Variants in PEX14 observed in about 807,000 individuals in gnomAD.
The protein encoded by PEX14 is peroxisomal membrane protein PEX14.
A neutral mutation model predicts 49.5 loss-of-function variants in PEX14; 15 were observed. The ratio of observed to expected loss-of-function variants is 0.30; its 90% CI spans 0.20 to 0.47. The LOEUF (loss-of-function observed/expected upper bound fraction) is 0.47, where lower values mean the gene tolerates loss of function less well. PEX14 is among the 20% of genes least tolerant of loss of function. PEX14 has a pLI of 1.00. For missense variants in PEX14, 398 were observed against 494.8 expected, an observed-to-expected ratio of 0.80 and a Z score of 1.86; for synonymous variants, 210 against 212.7, an observed-to-expected ratio of 0.99 and a Z score of 0.11.
At chr1:10,510,625 A>G (rs1570177283) in intron 2 of PEX14, among the ~76,000 whole-genome samples, 1 of 152,314 alleles carries the variant, frequency 6.6e-6, no homozygotes, top group Non-Finnish European at 1.5e-5. Flanking sequence ...TTTGGCACCT[A>G]GGCACTTTGC....
At chr1:10,588,791 G>A (rs1640575193) in intron 3 of PEX14, among the ~76,000 whole-genome samples, 1 of 152,116 alleles carries the variant, frequency 6.6e-6, no homozygotes, top group Non-Finnish European at 1.5e-5. Flanking sequence ...ATTCAGATAT[G>A]TCAAAGAGAA....
intron 4 of PEX14, chr1:10,616,973 A>T (rs1641441083): frequency 6.6e-6 from 1 of 151,490 alleles, no homozygotes. Flanking sequence ...CAATATGGTG[A>T]CCTCCTGGAG....
At chr1:10,502,072 C>T (rs1027094708) in intron 2 of PEX14, among the ~76,000 whole-genome samples, 1 of 152,170 alleles carries the variant, frequency 6.6e-6, no homozygotes, top group Admixed American at 6.5e-5. Flanking sequence ...GTGCACTTCA[C>T]TGAAGGTAAA....
Position 10,484,546 on chromosome 1 carries a change from C to A in PEX14, c.36+9544C>A, listed in dbSNP as rs1641336583. 2.0e-5 allele frequency among the ~76,000 whole-genome samples: 3 copies of A among 151,756 alleles called. No homozygotes were observed. The South Asian group carries it at 6.2e-4, about 31-fold the overall frequency. On this transcript the variant is annotated intron_variant, in intron 1 of 8. Coordinates refer to ENST00000356607, the MANE Select transcript of PEX14 (RefSeq NM_004565.3). Reference sequence around the variant, plus strand: ...TATCTCAATTTGTTGATCTGTTCACCAGTTGATGGACATTTGTAGTAGTTT... The same window carrying A: ...TATCTCAATTTGTTGATCTGTTCACAAGTTGATGGACATTTGTAGTAGTTT...
Position 10,512,140 on chromosome 1 carries a change from A to G in PEX14, c.84+16819A>G, listed in dbSNP as rs766091175. The stretch of plus-strand genomic sequence containing the variant: ...ACGCTCGGCTAATTTTGGTATTTTT[A>G]GTAGAGACAGGGTTTCACCATGTTA... On this transcript the variant is annotated intron_variant, in intron 2 of 8. Coordinates refer to ENST00000356607, the MANE Select transcript of PEX14 (RefSeq NM_004565.3). The surrounding 1 kb of genome is among the most constrained non-coding windows in gnomAD (Gnocchi z 4.6). Among the ~76,000 whole-genome samples, 1 of 152,044 alleles carries G rather than the reference A, an allele frequency of 6.6e-6. No individual in the cohort carries two copies. Among genetic ancestry groups the G allele is most frequent in the African/African-American group, 2.4e-5 (1 of 41,384 alleles).
Position 10,525,829 on chromosome 1 carries a change from T to A in PEX14, c.85-10384T>A, listed in dbSNP as rs192423336. 1.2e-3 allele frequency among the ~76,000 whole-genome samples: 189 copies of A among 152,144 alleles called. 1 individual carries two copies. The highest frequency in any genetic ancestry group is 2.1e-3 in the Non-Finnish European group (145 of 68,004). On this transcript the variant is annotated intron_variant, in intron 2 of 8. Transcript: ENST00000356607. ...TTAGTATAGATGGGGTTTCACTAAATTGGCCAGGCTGATCTCGAACTCTTG... is the reference window on the plus strand; with the variant it reads ...TTAGTATAGATGGGGTTTCACTAAAATGGCCAGGCTGATCTCGAACTCTTG...
At chr1:10,605,738 C>A (rs1023928024) in intron 4 of PEX14, among the ~76,000 whole-genome samples, 2 of 152,260 alleles carry the variant, frequency 1.3e-5, no homozygotes, top group African/African-American at 4.8e-5. Flanking sequence ...GCTTCCATTT[C>A]TTTCTCTGCT....
intron 3 of PEX14, among the ~76,000 whole-genome samples, chr1:10,573,761 C>A (rs1469026381): frequency 6.6e-6 from 1 of 152,098 alleles, no homozygotes; most frequent in Non-Finnish European, 1.5e-5. Flanking sequence ...ATGGGTGGAT[C>A]TATCCATAAA....
intron 5 of PEX14, among the ~76,000 whole-genome samples, chr1:10,620,872 G>T (rs1641568870): frequency 6.6e-6 from 1 of 152,208 alleles, no homozygotes; most frequent in Admixed American, 6.5e-5. Flanking sequence ...CTGAACTGGT[G>T]CCCCCTTCAA....
intron 3 of PEX14, among the ~76,000 whole-genome samples, chr1:10,546,412 A>C (rs966189581): frequency 4.6e-5 from 7 of 151,922 alleles, no homozygotes; most frequent in African/African-American, 1.7e-4. Flanking sequence ...CTAAAAATAC[A>C]AAATTAGCCG....
intron 3 of PEX14, among the ~76,000 whole-genome samples, chr1:10,562,591 A>T (rs1639680003): frequency 6.6e-6 from 1 of 152,220 alleles, no homozygotes; most frequent in African/African-American, 2.4e-5. Flanking sequence ...TGGTAAGAAT[A>T]CACAGGAGTG....
rs566820937 is a variant in PEX14, at chr1:10,628,269, G to A, written c.677+906G>A. Among the ~76,000 whole-genome samples the A allele has an allele frequency of 1.8e-4, 27 of 152,254 alleles. No homozygotes were observed. Among genetic ancestry groups the A allele is most frequent in the Non-Finnish European group, 2.4e-4 (16 of 68,048 alleles). On this transcript the variant is annotated intron_variant, in intron 8 of 8. Coordinates refer to ENST00000356607, the MANE Select transcript of PEX14 (RefSeq NM_004565.3). This position sits in a 1 kb window ranked among gnomAD's most constrained non-coding sequence, Gnocchi z 4.5. ...TTTAAAACTGAAAGTCCAGTGTCCA[G>A]GAGCCACTCTGTCCTGGGAGCCGCA...
At chr1:10,578,528 C>G (rs377191821) in intron 3 of PEX14, among the ~76,000 whole-genome samples, 1 of 152,050 alleles carries the variant, frequency 6.6e-6, no homozygotes, top group Non-Finnish European at 1.5e-5. Context: ...CCTTCAACAT[C>G]CAGTATAAAA....
rs778227279 is a variant in PEX14, at chr1:10,629,556, G to C, written c.703G>C (p.Ala235Pro). ...NRRQFPPSPS[A>P]PKIPSWQIPV... ...GAGGCAGTTCCCTCCATCCCCATCA[G>C]CCCCGAAGATCCCCTCCTGGCAGAT... The change falls in exon 9 of 9, where the codon GCC (alanine) becomes CCC (proline). Residue 235 changes from alanine (A) to proline (P), a missense_variant. Transcript: ENST00000356607. This position sits in a 1 kb window ranked among gnomAD's most constrained non-coding sequence, Gnocchi z 8.5. The C allele has an allele frequency of 1.9e-6, 3 of 1,613,690 alleles. No homozygotes were observed. Among genetic ancestry groups the C allele is most frequent in the Non-Finnish European group, 1.7e-6 (2 of 1,179,814 alleles).
At position 10,594,118 on chromosome 1, in the gene PEX14, CTT is replaced by C. The variant is rs563229250; in HGVS notation, c.170-5117_170-5116del. ...TAGGGGTCTCCAGGTCATCCTACGA[CTT>C]TTAGAGGCTCTGAGAGTCCTTATTG... On this transcript the variant is annotated intron_variant, in intron 3 of 8. Transcript: ENST00000356607. Among the ~76,000 whole-genome samples, 379 of 152,306 alleles carry C rather than the reference CTT, an allele frequency of 2.5e-3. 1 individual carries two copies. Among genetic ancestry groups the C allele is most frequent in the African/African-American group, 8.6e-3 (357 of 41,566 alleles).
intron 1 of PEX14, among the ~76,000 whole-genome samples, chr1:10,476,544 A>C (rs756959188): frequency 6.6e-6 from 1 of 152,146 alleles, no homozygotes; most frequent in Non-Finnish European, 1.5e-5. Flanking sequence ...TCTGTCGCCC[A>C]TGCTGGAGTG....
intron 3 of PEX14, among the ~76,000 whole-genome samples, chr1:10,588,937 A>G (rs1419183512): frequency 6.6e-6 from 1 of 152,186 alleles, no homozygotes; most frequent in African/African-American, 2.4e-5. Context: ...GAGGAAAAAA[A>G]ATTTGTGCAT....
rs187756003 is a variant in PEX14, at chr1:10,588,188, C to T, written c.170-11050C>T. ...TGAGCCGAGATTGCACCACAGCGCT[C>T]CAGCCTGGGTGACAGAGCGAGACTC... On this transcript the variant is annotated intron_variant, in intron 3 of 8. Coordinates refer to ENST00000356607, the MANE Select transcript of PEX14 (RefSeq NM_004565.3). Among the ~76,000 whole-genome samples the T allele has an allele frequency of 6.8e-3, 1,029 of 151,850 alleles. 5 individuals carry two copies. Among genetic ancestry groups the T allele is most frequent in the Non-Finnish European group, 9.3e-3 (631 of 67,968 alleles).
intron 2 of PEX14, among the ~76,000 whole-genome samples, chr1:10,520,828 A>C (rs184510598): frequency 5.1e-4 from 77 of 152,302 alleles, no homozygotes; most frequent in African/African-American, 1.8e-3. Context: ...CTGTAAATGT[A>C]CAGGGCAGCG....
Sources: gnomAD v4.1 joint callset for allele counts (sites outside exome capture counted in the v4.1 genomes callset) on GRCh38, gnomAD v4.1.1 for gene constraint, Gnocchi (gnomAD v3.1) non-coding constraint, MANE v1.5 for transcripts, NCBI Gene and HGNC (gene_info 2026-07-23, HGNC 2026-07-21) for gene names.